Variants in TEX15 observed in about 807,000 individuals in gnomAD.
TEX15 encodes the protein testis-expressed protein 15.
In TEX15, 171 loss-of-function variants were observed where a neutral mutation model predicts 237.3. That is an observed-to-expected ratio of 0.72 (90% CI 0.64 to 0.82). The LOEUF (loss-of-function observed/expected upper bound fraction) is 0.82. TEX15 is among the 40% of genes least tolerant of loss of function. The pLI is 0.00. For missense variants in TEX15, 3,750 were observed against 3,646.5 expected (o/e 1.03, Z -0.73); for synonymous variants, 1,338 against 1,269.8 (o/e 1.05, Z -1.14).
chr8:30,908,149 C>G (rs963673515), intron 1 of TEX15, among the ~76,000 whole-genome samples: 1 of 152,124 alleles, frequency 6.6e-6, no homozygotes, highest in African/African-American at 2.4e-5. Context: ...GTCTTGAATT[C>G]CTGAGTCCCA....
Position 30,837,816 on chromosome 8 carries a change from ACATTTC to A in TEX15, c.8462_8467del (p.Arg2821_Val2823delinsMet). ...TTTTGTTTCAGCAGCACTGAAGTTC[ACATTTC>A]TTTTCTTCATGCTATTTAAATTTTC... On this transcript the variant is annotated inframe_deletion, in exon 10 of 11. Coordinates refer to ENST00000643185, the MANE Select transcript of TEX15 (RefSeq NM_001350162.2). 1 of 1,614,162 alleles carries A rather than the reference ACATTTC, an allele frequency of 6.2e-7. No individual in the cohort carries two copies. Among genetic ancestry groups the A allele is most frequent in the Non-Finnish European group, 8.5e-7 (1 of 1,180,032 alleles).
In TEX15 at chr8:30,843,694, CTT is replaced by C. The variant is rs779220068; in HGVS notation, c.6471_6472del (p.Arg2158GlyfsTer16). 3.7e-6 allele frequency: 6 copies of C among 1,612,212 alleles called. No individual in the cohort carries two copies. In the South Asian group the frequency reaches 4.4e-5, roughly 12 times the overall value. ...GAATACATAGTATGAATTCTTTTCCCTTTTTGTTTCTTCAAGCAATTCAACTA... is the reference window on the plus strand; with the variant it reads ...GAATACATAGTATGAATTCTTTTCCCTTTGTTTCTTCAAGCAATTCAACTA... On this transcript the variant is annotated frameshift_variant, in exon 8 of 11. Transcript: ENST00000643185. LOFTEE classifies it high-confidence loss of function.
intron 2 of TEX15, among the ~76,000 whole-genome samples, chr8:30,891,377 T>C (rs1808789400): frequency 6.6e-6 from 1 of 152,128 alleles, no homozygotes; most frequent in Non-Finnish European, 1.5e-5. Flanking sequence ...AGTTCCAGTT[T>C]CTCCATATTC....
intron 1 of TEX15, among the ~76,000 whole-genome samples, chr8:30,905,651 G>T (rs1809087708): frequency 1.3e-5 from 2 of 151,240 alleles, no homozygotes; most frequent in Admixed American, 1.3e-4. Flanking sequence ...CATTTTGGGA[G>T]GCTGAGGCCG....
rs541106299 is a variant in TEX15 at position 30,887,375 on chromosome 8, C to T, written c.-9-64G>A. ...AAATACATAAAAGGCAATGGCAGTACAATCATTTAAAAGTTCTTCAACAAA... is the reference window on the plus strand; with the variant it reads ...AAATACATAAAAGGCAATGGCAGTATAATCATTTAAAAGTTCTTCAACAAA... On this transcript the variant is annotated intron_variant, in intron 2 of 10. Coordinates refer to ENST00000643185, the MANE Select transcript of TEX15 (RefSeq NM_001350162.2). The T allele has an allele frequency of 1.2e-5, 16 of 1,313,382 alleles. No individual in the cohort carries two copies. The South Asian group carries it at 2.4e-4, about 19-fold the overall frequency. The allele number at this position is 1,313,382 out of a possible 1,614,324, so 81.4% of individuals were successfully genotyped here.
rs745922640 is a variant in TEX15, at chr8:30,846,897, C to A, written c.3270G>T (p.Val1090=). Residue 1090 remains valine (V), a synonymous_variant, in exon 8 of 11, where the codon GTG becomes GTT. Coordinates refer to ENST00000643185, the MANE Select transcript of TEX15 (RefSeq NM_001350162.2). ...GAGACTTCAGAGCCTTATATGAGGT[C>A]ACAAATTCTTCACAAAGCATGTTTT... is the stretch of plus-strand genomic sequence containing the variant. ...SHENMLCEEF[V]TSYKALKSRI... 5.6e-6 allele frequency: 9 copies of A among 1,613,670 alleles called. No individual in the cohort carries two copies. Among genetic ancestry groups the A allele is most frequent in the Admixed American group, 3.3e-5 (2 of 59,978 alleles).
intron 1 of TEX15, among the ~76,000 whole-genome samples, chr8:30,909,739 C>T (rs1809180641): frequency 6.6e-6 from 1 of 152,020 alleles, no homozygotes; most frequent in African/African-American, 2.4e-5. Flanking sequence ...AGTAAATCAC[C>T]ACAGAACATC....
Position 30,844,683 on chromosome 8 carries a change from G to A in TEX15, c.5484C>T (p.Ser1828=), listed in dbSNP as rs1807551777. The part of the protein sequence containing the change: ...SLLLKDNVKG[S]SSETCIVKKD... Reference sequence around the variant, plus strand: ...TCTTCACAATACATGTTTCTGAAGAGGAGCCTTTTACATTATCTTTTAAAA... The same window carrying A: ...TCTTCACAATACATGTTTCTGAAGAAGAGCCTTTTACATTATCTTTTAAAA... The change falls in exon 8 of 11, where the codon TCC becomes TCT. Residue 1828 remains serine, a synonymous_variant. Coordinates refer to ENST00000643185, the MANE Select transcript of TEX15 (RefSeq NM_001350162.2). The A allele has an allele frequency of 6.8e-6, 11 of 1,613,170 alleles. No individual in the cohort carries two copies. Among genetic ancestry groups the A allele is most frequent in the Non-Finnish European group, 9.3e-6 (11 of 1,179,560 alleles).
At chr8:30,862,927 C>T (rs897998673) in intron 5 of TEX15, among the ~76,000 whole-genome samples, 3 of 152,000 alleles carry the variant, frequency 2.0e-5, no homozygotes, top group African/African-American at 7.2e-5. Flanking sequence ...AAAAATAGTT[C>T]AGAGGTCAAT....
In TEX15 at chr8:30,846,680, T is replaced by C; in HGVS notation, c.3487A>G (p.Ile1163Val). 1.2e-6 allele frequency: 2 copies of C among 1,613,642 alleles called. No individual in the cohort carries two copies. The highest frequency in any genetic ancestry group is 1.7e-6 in the Non-Finnish European group (2 of 1,179,700). Residue 1163 changes from isoleucine to valine, a missense_variant, in exon 8 of 11, where the codon ATA becomes GTA. Coordinates refer to ENST00000643185, the MANE Select transcript of TEX15 (RefSeq NM_001350162.2). ...LPDLQIKITNIFRPGFSPTAD... is the reference protein window; with the variant it reads ...LPDLQIKITNVFRPGFSPTAD... ...GTCGGGCTGAATCCTGGCCTAAATA[T>C]ATTAGTAATTTTAATTTGTAGATCT...
rs935570478 is a variant in TEX15 at position 30,858,695 on chromosome 8, G to A, written c.823C>T (p.Leu275Phe). The A allele has an allele frequency of 6.5e-7, 1 of 1,534,878 alleles. No individual in the cohort carries two copies. Residue 275 changes from leucine to phenylalanine, a missense_variant, in exon 7 of 11, where the codon CTC becomes TTC. Transcript: ENST00000643185. ...GCTCTCTTAGGAAATCCTGTTGAGA[G>A]GAATCTCAAAGATGTCATAAGGCGT... ...NGRLMTSLRF[L>F]STGFPKRAER... is the part of the protein sequence containing the mutation.
At chr8:30,875,127 G>A in intron 3 of TEX15, 25 bp from the exon 4 acceptor site, 1 of 1,227,076 alleles carries the variant, frequency 8.1e-7, no homozygotes, top group Non-Finnish European at 1.0e-6. Context: ...AGAGAAAGCA[G>A]TTGTATTTAA....
chr8:30,907,267 T>C (rs552013107), intron 1 of TEX15, among the ~76,000 whole-genome samples: 2 of 152,222 alleles, frequency 1.3e-5, no homozygotes, highest in East Asian at 3.9e-4. Context: ...TTTCTCTGCC[T>C]AGAATGCTGT....
chr8:30,862,246 A>T (rs1454310827), intron 5 of TEX15, among the ~76,000 whole-genome samples: 1 of 152,200 alleles, frequency 6.6e-6, no homozygotes, highest in Admixed American at 6.5e-5. Flanking sequence ...AGGAGTGTAA[A>T]AACAAAACAA....
At chr8:30,873,105 C>T (rs1808327430) in intron 4 of TEX15, among the ~76,000 whole-genome samples, 1 of 152,096 alleles carries the variant, frequency 6.6e-6, no homozygotes, top group African/African-American at 2.4e-5. Flanking sequence ...ACAACATATT[C>T]CTGTCATTAA....
At chr8:30,882,770 AGTTTT>A (rs1372747891) in intron 3 of TEX15, among the ~76,000 whole-genome samples, 3 of 152,208 alleles carry the variant, frequency 2.0e-5, no homozygotes, top group African/African-American at 4.8e-5. Flanking sequence ...TTTTCTGATT[AGTTTT>A]ATCAATTGAG....
intron 1 of TEX15, among the ~76,000 whole-genome samples, chr8:30,908,825 C>G (rs933424874): frequency 6.6e-6 from 1 of 152,296 alleles, no homozygotes; most frequent in East Asian, 1.9e-4. Flanking sequence ...CAAAAATTAA[C>G]ACAATCCACA....
intron 5 of TEX15, among the ~76,000 whole-genome samples, chr8:30,861,397 A>C (rs1162063478): frequency 6.6e-6 from 1 of 152,338 alleles, no homozygotes; most frequent in East Asian, 1.9e-4. Context: ...TGATTTAAAA[A>C]CTAAAACCAT....
At chr8:30,901,423 ATC>A (rs1465244394) in intron 1 of TEX15, among the ~76,000 whole-genome samples, 1 of 152,230 alleles carries the variant, frequency 6.6e-6, no homozygotes, top group Non-Finnish European at 1.5e-5. Context: ...CCTCAGTTTC[ATC>A]TGTTTTCAAT....
Sources: allele counts gnomAD v4.1 joint callset (sites outside exome capture counted in the v4.1 genomes callset), GRCh38; gene constraint gnomAD v4.1.1; transcripts MANE v1.5; gene names NCBI Gene and HGNC (gene_info 2026-07-23, HGNC 2026-07-21).